The following DIS3L2 variants were observed in gnomAD, a reference collection of about 807,000 sequenced individuals.
DIS3L2 encodes DIS3-like exonuclease 2.
Under a neutral mutation model 97.5 loss-of-function variants are expected in DIS3L2, and 34 were observed. The ratio of observed to expected loss-of-function variants is 0.35; its 90% CI spans 0.27 to 0.46. DIS3L2 has a LOEUF of 0.46. Among genes scored for constraint, DIS3L2 ranks in the 20% least tolerant of loss-of-function variants. The probability of loss-of-function intolerance (pLI) is 1.00; values close to 1 mark genes in which losing one functional copy is unlikely to be tolerated. For missense variants in DIS3L2, 1,038 were observed against 1,146.0 expected (o/e 0.91, Z 1.36); for synonymous variants, 435 against 445.2 (o/e 0.98, Z 0.29).
At position 232,270,004 on chromosome 2, in the gene DIS3L2, C is replaced by T. The variant is rs1423943551; in HGVS notation, c.1659+6564C>T. ...ACCGACCCAAGAGAGGGAAGAAAAT[C>T]GACAAGCCTGTAGCAAATTGACTCT... On this transcript the variant is annotated intron_variant, in intron 13 of 20. Coordinates refer to ENST00000325385, the MANE Select transcript of DIS3L2 (RefSeq NM_152383.5). Among the ~76,000 whole-genome samples the T allele has an allele frequency of 4.6e-5, 7 of 152,122 alleles. 1 individual carries two copies. The South Asian group carries it at 8.3e-4, about 18-fold the overall frequency.
At chr2:232,297,649 C>T (rs752311058) in intron 13 of DIS3L2, among the ~76,000 whole-genome samples, 3 of 151,698 alleles carry the variant, frequency 2.0e-5, no homozygotes, top group Non-Finnish European at 4.4e-5. Context: ...TCACCTGGAA[C>T]CTCTCAGCTA....
intron 8 of DIS3L2, among the ~76,000 whole-genome samples, chr2:232,138,550 T>TGAG (rs949864403): frequency 7.9e-5 from 12 of 152,224 alleles, no homozygotes; most frequent in African/African-American, 2.9e-4. Flanking sequence ...GTATGAGGGG[T>TGAG]GAGGGCTGCA....
chr2:232,130,742 C>T (rs1698193259), intron 7 of DIS3L2, 23 bp downstream of exon 7: 1 of 1,612,208 alleles, frequency 6.2e-7, no homozygotes. Flanking sequence ...AGATTTTCTC[C>T]ACGTGTCCAA....
chr2:232,288,145 C>T (rs1456547334), intron 13 of DIS3L2, among the ~76,000 whole-genome samples: 1 of 152,150 alleles, frequency 6.6e-6, no homozygotes. Context: ...CCAGAAGGGA[C>T]CTGAGATGGC....
At chr2:232,160,188 C>T (rs1690610184) in intron 8 of DIS3L2, among the ~76,000 whole-genome samples, 1 of 152,102 alleles carries the variant, frequency 6.6e-6, no homozygotes, top group Non-Finnish European at 1.5e-5. Flanking sequence ...GTAGAATTGG[C>T]AATAATTCTT....
chr2:232,212,363 G>T (rs925484057), intron 10 of DIS3L2, among the ~76,000 whole-genome samples: 3 of 152,166 alleles, frequency 2.0e-5, no homozygotes, highest in Non-Finnish European at 2.9e-5. Flanking sequence ...CATTTGTTTT[G>T]TCCATTTTCA....
At chr2:232,038,649 G>A (rs1197198218) in intron 5 of DIS3L2, among the ~76,000 whole-genome samples, 1 of 152,184 alleles carries the variant, frequency 6.6e-6, no homozygotes, top group Non-Finnish European at 1.5e-5. Flanking sequence ...AAGACAGTCA[G>A]CACAGCCTTT....
intron 8 of DIS3L2, among the ~76,000 whole-genome samples, chr2:232,161,568 T>C (rs1690652512): frequency 6.6e-6 from 1 of 152,180 alleles, no homozygotes; most frequent in African/African-American, 2.4e-5. Context: ...TTTCCTGGAT[T>C]TAAGTGATTC....
intron 14 of DIS3L2, 28 bp from the exon 15 acceptor site, chr2:232,329,785 T>TCCCCGGGGGCGCCCC: frequency 1.0e-6 from 1 of 967,144 alleles, no homozygotes; most frequent in Non-Finnish European, 1.5e-6. Context: ...ACCCCAGCGG[T>TCCCCGGGGGCGCCCC]CCCTCCCATC....
At chr2:231,986,114 G>A (rs947830839) in intron 1 of DIS3L2, among the ~76,000 whole-genome samples, 10 of 152,210 alleles carry the variant, frequency 6.6e-5, no homozygotes, top group African/African-American at 2.4e-4. Flanking sequence ...CCAGTGGTTT[G>A]CCCGGGGCTC....
chr2:232,108,787 C>T (rs2106330257), intron 6 of DIS3L2, among the ~76,000 whole-genome samples: 1 of 152,216 alleles, frequency 6.6e-6, no homozygotes, highest in Non-Finnish European at 1.5e-5. Context: ...AGCCAAATCA[C>T]AAATGAACTC....
chr2:232,209,283 G>A (rs1692120679), intron 9 of DIS3L2, among the ~76,000 whole-genome samples: 1 of 152,122 alleles, frequency 6.6e-6, no homozygotes, highest in Non-Finnish European at 1.5e-5. Context: ...TGAAGACAGG[G>A]TCTCGCTCTA....
intron 5 of DIS3L2, among the ~76,000 whole-genome samples, chr2:232,055,459 G>A (rs577660525): frequency 3.3e-5 from 5 of 152,276 alleles, no homozygotes; most frequent in Admixed American, 6.5e-5. Flanking sequence ...CATTGCAAAC[G>A]ACACAATGTT....
intron 16 of DIS3L2, 83 bp from the exon 17 acceptor site, chr2:232,333,757 G>GACA: frequency 3.0e-5 from 42 of 1,393,466 alleles, no homozygotes; most frequent in Admixed American, 1.6e-4. Context: ...GCTGCCGACG[G>GACA]TGAGGCTGTG....
At chr2:232,329,785 T>TCCCCGGGCCC in intron 14 of DIS3L2, 28 bp from the exon 15 acceptor site, 4 of 967,142 alleles carry the variant, frequency 4.1e-6, no homozygotes, top group Non-Finnish European at 4.4e-6. Context: ...ACCCCAGCGG[T>TCCCCGGGCCC]CCCTCCCATC....
rs553449139 is a variant in DIS3L2, at chr2:232,289,565, G to A, written c.1660-10475G>A. 1.2e-4 allele frequency among the ~76,000 whole-genome samples: 18 copies of A among 152,286 alleles called. 2 individuals carry two copies. The highest frequency in any genetic ancestry group is 4.1e-4 in the African/African-American group (17 of 41,566). ...TGGGATTATAGGCATGAGCCACCGCGCCCAGCCAGGAAAGAGATTTTATAA... is the reference window on the plus strand; with the variant it reads ...TGGGATTATAGGCATGAGCCACCGCACCCAGCCAGGAAAGAGATTTTATAA... On this transcript the variant is annotated intron_variant, in intron 13 of 20. Transcript: ENST00000325385.
At chr2:231,961,819 C>T (rs1404005493) in intron 1 of DIS3L2, 54 bp downstream of exon 1, 2 of 152,462 alleles carry the variant, frequency 1.3e-5, no homozygotes, top group Non-Finnish European at 2.9e-5. Flanking sequence ...ACGACCCCCT[C>T]GGGACCGACC....
At chr2:232,026,196 A>G (rs751506321) in intron 4 of DIS3L2, among the ~76,000 whole-genome samples, 9 of 152,214 alleles carry the variant, frequency 5.9e-5, no homozygotes, top group Admixed American at 3.3e-4. Flanking sequence ...CACATACCTT[A>G]AATCAAATAT....
At chr2:232,026,431 G>C (rs1694658089) in intron 4 of DIS3L2, among the ~76,000 whole-genome samples, 1 of 151,952 alleles carries the variant, frequency 6.6e-6, no homozygotes, top group Non-Finnish European at 1.5e-5. Flanking sequence ...TGATTCCCTT[G>C]CATTCAGTGA....
Sources: allele counts gnomAD v4.1 joint callset (sites outside exome capture counted in the v4.1 genomes callset), GRCh38; gene constraint gnomAD v4.1.1; transcripts MANE v1.5; gene names NCBI Gene and HGNC (gene_info 2026-07-23, HGNC 2026-07-21).